SCLT1: variants seen among roughly 807,000 people sequenced by gnomAD.
SCLT1 encodes sodium channel and clathrin linker 1.
A neutral mutation model predicts 112.8 loss-of-function variants in SCLT1; 78 were observed. The ratio of observed to expected loss-of-function variants is 0.69; its 90% CI spans 0.58 to 0.83. The LOEUF is 0.83. Among genes scored for constraint, SCLT1 ranks in the 40% least tolerant of loss-of-function variants. The pLI is 0.00. For missense variants in SCLT1, 747 were observed against 770.4 expected (o/e 0.97, Z 0.36); for synonymous variants, 257 against 254.7 (o/e 1.01, Z -0.09).
chr4:128,998,036 C>G (rs746310197), intron 7 of SCLT1, 97 bp from the exon 8 acceptor site: 52 of 495,250 alleles, frequency 1.0e-4, no homozygotes, highest in Non-Finnish European at 1.7e-4. Flanking sequence ...ATCATTATGC[C>G]TAAGTTTAGA....
At chr4:129,080,742 C>A (rs1201641387) in intron 2 of SCLT1, among the ~76,000 whole-genome samples, 2 of 152,194 alleles carry the variant, frequency 1.3e-5, no homozygotes, top group Non-Finnish European at 2.9e-5. Flanking sequence ...TTTCAGGTAT[C>A]TTTATACCAA....
chr4:128,887,766 C>T (rs1487377392), intron 20 of SCLT1, among the ~76,000 whole-genome samples: 2 of 152,144 alleles, frequency 1.3e-5, no homozygotes, highest in Non-Finnish European at 1.5e-5. Context: ...GCATTTTCTA[C>T]TCTATTTCCC....
chr4:128,945,045 C>T (rs919407668), intron 16 of SCLT1: 4 of 152,172 alleles, frequency 2.6e-5, no homozygotes, highest in African/African-American at 9.7e-5. Flanking sequence ...TCTATGTTTA[C>T]ACCCTTTAGG....
At chr4:129,044,512 G>T (rs1747996370) in intron 2 of SCLT1, among the ~76,000 whole-genome samples, 1 of 151,572 alleles carries the variant, frequency 6.6e-6, no homozygotes, top group Admixed American at 6.6e-5. Flanking sequence ...ATTAGAAAAT[G>T]TAATCAAAAA....
intron 2 of SCLT1, among the ~76,000 whole-genome samples, chr4:129,050,223 A>G (rs1354731594): frequency 6.6e-6 from 1 of 152,212 alleles, no homozygotes; most frequent in African/African-American, 2.4e-5. Context: ...TCTTTATAGA[A>G]TAATTTATAA....
intron 10 of SCLT1, among the ~76,000 whole-genome samples, chr4:128,969,360 C>T (rs1740480298): frequency 6.6e-6 from 1 of 152,056 alleles, no homozygotes; most frequent in African/African-American, 2.4e-5. Context: ...ATCACAAGGT[C>T]AGGAAACTGA....
intron 1 of SCLT1, among the ~76,000 whole-genome samples, chr4:129,083,762 G>T (rs1211949541): frequency 1.3e-5 from 2 of 152,124 alleles, no homozygotes; most frequent in Non-Finnish European, 2.9e-5. Context: ...CTCCAAACTT[G>T]CTTAAAGAGA....
intron 18 of SCLT1, among the ~76,000 whole-genome samples, chr4:128,918,151 A>G (rs1426723675): frequency 6.6e-6 from 1 of 152,202 alleles, no homozygotes; most frequent in Non-Finnish European, 1.5e-5. Flanking sequence ...TGGAAGCTTT[A>G]CAACAAAAAT....
intron 18 of SCLT1, among the ~76,000 whole-genome samples, chr4:128,924,841 C>G (rs1431653913): frequency 1.3e-5 from 2 of 152,192 alleles, no homozygotes; most frequent in Non-Finnish European, 2.9e-5. Context: ...CCCAGGGACT[C>G]ACTTTTAATT....
rs1753031094 is a variant in SCLT1, at chr4:129,093,395, G to C, written c.-292C>G. ...ACGCGGTCGATACAGGCGTCCCGCG[G>C]GTCACTCTGGGTCTCGTCGGGCCAC... On this transcript the variant is annotated 5_prime_UTR_variant, in exon 1 of 21. Transcript: ENST00000281142. 9 of 477,948 alleles carry C rather than the reference G, an allele frequency of 1.9e-5. No homozygotes were observed. The South Asian group carries it at 2.5e-4, about 13-fold the overall frequency. 29.6% of individuals were successfully genotyped at this position (477,948 alleles called of 1,614,324 possible).
chr4:128,938,415 A>G (rs999054207), intron 17 of SCLT1, among the ~76,000 whole-genome samples: 3 of 152,190 alleles, frequency 2.0e-5, no homozygotes, highest in Admixed American at 6.5e-5. Flanking sequence ...GCAGAAATTG[A>G]AGACTTTATA....
At chr4:129,041,563 T>A (rs920641206) in intron 4 of SCLT1, among the ~76,000 whole-genome samples, 1 of 152,170 alleles carries the variant, frequency 6.6e-6, no homozygotes, top group Non-Finnish European at 1.5e-5. Flanking sequence ...CCATAAGCCC[T>A]GGCATTTAAT....
At chr4:128,888,037 C>T (rs964637959) in intron 20 of SCLT1, among the ~76,000 whole-genome samples, 1 of 152,160 alleles carries the variant, frequency 6.6e-6, no homozygotes, top group Non-Finnish European at 1.5e-5. Context: ...AAATGTTCCA[C>T]ATCTATGCTG....
chr4:128,990,571 C>A (rs921421735), intron 9 of SCLT1, among the ~76,000 whole-genome samples: 10 of 151,586 alleles, frequency 6.6e-5, no homozygotes, highest in Admixed American at 4.6e-4. Flanking sequence ...TTATTCAACA[C>A]AGTATGAGGA....
chr4:128,893,957 TGAGA>T lies in SCLT1; in HGVS notation c.1830-2824_1830-2821del, dbSNP rs772546493. Among the ~76,000 whole-genome samples, 74 of 152,168 alleles carry T rather than the reference TGAGA, an allele frequency of 4.9e-4. 1 individual carries two copies. The South Asian group carries it at 8.1e-3, about 17-fold the overall frequency. ...TTTGTTTGTTTGTTTGTTTGTTTTTTGAGAGAGGGTCTCACTCTGTCACCCAGGC... is the reference window on the plus strand; with the variant it reads ...TTTGTTTGTTTGTTTGTTTGTTTTTTGAGGGTCTCACTCTGTCACCCAGGC... On this transcript the variant is annotated intron_variant, in intron 18 of 20. Coordinates refer to ENST00000281142, the MANE Select transcript of SCLT1 (RefSeq NM_144643.4).
chr4:129,068,895 T>C (rs995214806), intron 2 of SCLT1, among the ~76,000 whole-genome samples: 1 of 152,216 alleles, frequency 6.6e-6, no homozygotes, highest in African/African-American at 2.4e-5. Context: ...TCTAGTATTT[T>C]TACAGTTTCA....
At chr4:129,056,537 G>A (rs911823814) in intron 2 of SCLT1, among the ~76,000 whole-genome samples, 2 of 152,128 alleles carry the variant, frequency 1.3e-5, no homozygotes, top group African/African-American at 2.4e-5. Flanking sequence ...TTTACTTATA[G>A]AAATCTTTCA....
At chr4:129,039,137 C>A (rs763182345) in intron 4 of SCLT1, 41 bp from the exon 5 acceptor site, 2 of 1,342,984 alleles carry the variant, frequency 1.5e-6, no homozygotes, top group Non-Finnish European at 1.1e-6. Context: ...ATTTTGCAGA[C>A]AATCAGATCT....
At chr4:128,873,256 G>GAAAAAAAAAAAAAAAAAAAAGA (rs1296724284) in intron 5 of SCLT1, 3 of 28,642 alleles carry the variant, frequency 1.0e-4, no homozygotes, top group South Asian at 1.4e-3. Flanking sequence ...TAAGAAAAAG[G>GAAAAAAAAAAAAAAAAAAAAGA]AAAAAAAAAA....
Sources: gnomAD v4.1 joint callset for allele counts (sites outside exome capture counted in the v4.1 genomes callset) on GRCh38, gnomAD v4.1.1 for gene constraint, MANE v1.5 for transcripts, NCBI Gene and HGNC (gene_info 2026-07-23, HGNC 2026-07-21) for gene names.